Variants in DRC4 observed in about 807,000 individuals in gnomAD.
DRC4 encodes the protein GAS-11.
At chr16:90,039,939 C>G in the DRC4 span, 1 of 315,738 alleles carries the variant, frequency 3.2e-6, no homozygotes. Context: ...TGCCCTGGAT[C>G]TCAAATCTCA....
At chr16:90,028,617 T>C in the DRC4 span, among the ~76,000 whole-genome samples, 9 of 152,180 alleles carry the variant, frequency 5.9e-5, no homozygotes, top group African/African-American at 2.2e-4. Context: ...TTTAAGTCTC[T>C]TCTTCATTTG....
chr16:90,024,515 G>A, the DRC4 span, among the ~76,000 whole-genome samples: 1 of 152,120 alleles, frequency 6.6e-6, no homozygotes, highest in African/African-American at 2.4e-5. Flanking sequence ...CATGTTTTGC[G>A]ACTTGAGTTT....
chr16:90,042,619 C>A, the DRC4 span: 1 of 1,139,714 alleles, frequency 8.8e-7, no homozygotes, highest in Non-Finnish European at 1.3e-6. Flanking sequence ...GAGGACCCCA[C>A]CTGTGCCCAC....
the DRC4 span, chr16:90,022,742 CG>C: frequency 7.1e-7 from 1 of 1,404,750 alleles, no homozygotes; most frequent in Non-Finnish European, 9.3e-7. Context: ...GGGGCGGGAG[CG>C]GGGCTGGGGT....
chr16:90,036,708 T>A, the DRC4 span: 3 of 851,510 alleles, frequency 3.5e-6, no homozygotes, highest in African/African-American at 1.7e-5. Context: ...TTTATAAGAT[T>A]GTTTGACAAT....
chr16:90,035,774 A>G, the DRC4 span: 2 of 1,612,764 alleles, frequency 1.2e-6, no homozygotes, highest in Non-Finnish European at 1.7e-6. Context: ...TTGTTAACTC[A>G]GGGAGCAAAA....
chr16:90,027,547 T>C, the DRC4 span: 5 of 1,347,042 alleles, frequency 3.7e-6, no homozygotes, highest in Non-Finnish European at 5.3e-6. Flanking sequence ...TCCAGAACCT[T>C]CTCTGCCAAA....
At chr16:90,032,472 G>A in the DRC4 span, among the ~76,000 whole-genome samples, 1 of 151,204 alleles carries the variant, frequency 6.6e-6, no homozygotes, top group Non-Finnish European at 1.5e-5. Context: ...GTGTGGTACA[G>A]GTGACCAGGT....
the DRC4 span, chr16:90,028,793 T>C: frequency 1.1e-5 from 7 of 612,376 alleles, no homozygotes; most frequent in African/African-American, 1.2e-4. Context: ...GTCAACTCTG[T>C]GTTATTGTTA....
At chr16:90,031,481 C>G in the DRC4 span, 1 of 1,567,152 alleles carries the variant, frequency 6.4e-7, no homozygotes, top group Middle Eastern at 1.7e-4. Flanking sequence ...AGGAGAGGCA[C>G]CAGGTGGAGA....
the DRC4 span, chr16:90,042,609 G>A: frequency 7.7e-7 from 1 of 1,298,118 alleles, no homozygotes; most frequent in African/African-American, 1.5e-5. Flanking sequence ...GACGGTCTCT[G>A]AGGACCCCAC....
At chr16:90,033,764 A>C in the DRC4 span, among the ~76,000 whole-genome samples, 1 of 152,058 alleles carries the variant, frequency 6.6e-6, no homozygotes, top group Non-Finnish European at 1.5e-5. Context: ...TCTAGAAAGG[A>C]GAGACAACAG....
the DRC4 span, among the ~76,000 whole-genome samples, chr16:90,024,123 T>TACACAC: frequency 0.033 from 4,663 of 139,394 alleles, 222 homozygotes; most frequent in African/African-American, 0.1. Context: ...TTACTAAAAA[T>TACACAC]ACACACACAC....
chr16:90,042,095 G>A, the DRC4 span, among the ~76,000 whole-genome samples: 18 of 152,008 alleles, frequency 1.2e-4, no homozygotes, highest in South Asian at 4.1e-4. Flanking sequence ...GTGAGCCACC[G>A]TGCCCGGCTA....
the DRC4 span, chr16:90,036,318 T>A: frequency 7.0e-7 from 1 of 1,426,086 alleles, no homozygotes; most frequent in South Asian, 1.3e-5. Context: ...AGGCTCCATG[T>A]TCTGTAGCCG....
At chr16:90,035,161 C>A in the DRC4 span, among the ~76,000 whole-genome samples, 1 of 152,054 alleles carries the variant, frequency 6.6e-6, no homozygotes, top group African/African-American at 2.4e-5. Context: ...GCTCGGCCTC[C>A]CAAAGTGCTG....
chr16:90,043,620 G>C, the DRC4 span: 3 of 587,194 alleles, frequency 5.1e-6, no homozygotes, highest in Non-Finnish European at 6.5e-6. Flanking sequence ...ACAGTCGGCG[G>C]CACCTTCTCA....
chr16:90,043,375 A>C, the DRC4 span: 1 of 1,594,004 alleles, frequency 6.3e-7, no homozygotes, highest in African/African-American at 1.3e-5. Context: ...CAGCCCAGAG[A>C]ACCAGCCTAG....
the DRC4 span, chr16:90,027,941 G>C: frequency 1.8e-6 from 1 of 565,242 alleles, no homozygotes; most frequent in South Asian, 2.2e-5. Flanking sequence ...CTTTGTAACA[G>C]GGTGGTAGGA....
Sources: gnomAD v4.1 joint callset for allele counts (sites outside exome capture counted in the v4.1 genomes callset) on GRCh38, gnomAD v4.1.1 for gene constraint, MANE v1.5 for transcripts, NCBI Gene and HGNC (gene_info 2026-07-23, HGNC 2026-07-21) for gene names.